Variants in DAPK3 observed in about 807,000 individuals in gnomAD.
The protein encoded by DAPK3 is death associated protein kinase 3.
DAPK3 carries 24 observed loss-of-function variants against 30.6 expected under a neutral mutation model. That is an observed-to-expected ratio of 0.78 (90% CI 0.57 to 1.10). The LOEUF (loss-of-function observed/expected upper bound fraction) is 1.10. DAPK3 is among the 50% of genes least tolerant of loss of function. The pLI, the probability that DAPK3 is intolerant of heterozygous loss-of-function variation, is 0.00. For missense variants in DAPK3, 629 were observed against 657.3 expected (o/e 0.96, Z 0.47); for synonymous variants, 341 against 284.0 (o/e 1.20, Z -2.02).
At chr19:3,970,048 G>A (rs1473238202) in intron 1 of DAPK3, 7 of 388,204 alleles carry the variant, frequency 1.8e-5, no homozygotes, top group East Asian at 1.3e-4. Context: ...GCCCCACTGG[G>A]CCACCTTCAC....
At position 3,958,819 on chromosome 19, in the gene DAPK3, G is replaced by A; in HGVS notation, c.*282C>T. Reference sequence around the variant, plus strand: ...CGCCTCGGTGGGTCCCAACCCTCACGGTGCCACAGGCCACGCTGCCTGGAG... The same window carrying A: ...CGCCTCGGTGGGTCCCAACCCTCACAGTGCCACAGGCCACGCTGCCTGGAG... On this transcript the variant is annotated 3_prime_UTR_variant, in exon 9 of 9. Coordinates refer to ENST00000545797, the MANE Select transcript of DAPK3 (RefSeq NM_001348.3). The A allele has an allele frequency of 1.8e-6, 1 of 568,688 alleles. No homozygotes were observed. 35.2% of individuals were successfully genotyped at this position (568,688 alleles called of 1,614,324 possible). A position where few individuals can be genotyped will look rare whatever the true frequency, so the allele number is the denominator to read the frequency against.
chr19:3,967,344 C>T (rs2039588794), intron 2 of DAPK3, among the ~76,000 whole-genome samples: 2 of 152,040 alleles, frequency 1.3e-5, no homozygotes, highest in African/African-American at 2.4e-5. Flanking sequence ...CCCAGCTACT[C>T]GGGAGGCTGA....
chr19:3,964,114 C>T (rs1003665917), intron 4 of DAPK3, 130 bp downstream of exon 4: 7 of 926,174 alleles, frequency 7.6e-6, no homozygotes, highest in Non-Finnish European at 1.2e-5. Context: ...CCCGCAAAGC[C>T]GGGCCCAAGA....
At chr19:3,961,771 G>A (rs1192271944) in intron 6 of DAPK3, 10 of 321,534 alleles carry the variant, frequency 3.1e-5, no homozygotes, top group East Asian at 7.6e-5. Context: ...TGGAGGCGGC[G>A]AAGGAGCTGA....
chr19:3,964,542 C>G lies in DAPK3; in HGVS notation c.423+89G>C, dbSNP rs553331630. 454 of 1,440,512 alleles carry G rather than the reference C, an allele frequency of 3.2e-4. 6 individuals carry two copies. The highest frequency in any genetic ancestry group is 2.7e-4 in the Admixed American group (14 of 51,908). 89.2% of individuals were successfully genotyped at this position (1,440,512 alleles called of 1,614,324 possible). ...CCACGCTCCCCACACCTCACCCCCA[C>G]GCGCAGGAGGTGCCTTCCAGGCTCT... On this transcript the variant is annotated intron_variant, in intron 3 of 8. Transcript: ENST00000545797.
intron 2 of DAPK3, among the ~76,000 whole-genome samples, chr19:3,965,272 C>G (rs2039565626): frequency 6.6e-6 from 1 of 152,212 alleles, no homozygotes. Flanking sequence ...CACCATGGCA[C>G]CGGCGTATTT....
chr19:3,961,230 G>T, intron 6 of DAPK3, 69 bp from the exon 7 acceptor site: 1 of 1,315,866 alleles, frequency 7.6e-7, no homozygotes, highest in South Asian at 1.2e-5. Flanking sequence ...CTCTCCGGCT[G>T]CCCACGACAG....
At chr19:3,962,094 T>C (rs1020137825) in intron 6 of DAPK3, among the ~76,000 whole-genome samples, 4 of 152,308 alleles carry the variant, frequency 2.6e-5, no homozygotes, top group African/African-American at 9.6e-5. Context: ...CCTGACCTCG[T>C]GATCTGCCCT....
chr19:3,958,579 C>A lies in DAPK3; in HGVS notation c.*522G>T, dbSNP rs1334336423. 2.2e-6 allele frequency: 1 copy of A among 452,250 alleles called. No individual in the cohort carries two copies. The highest frequency in any genetic ancestry group is 2.4e-5 in the Admixed American group (1 of 42,040). The allele number at this position is 452,250 out of a possible 1,614,324, so 28.0% of individuals were successfully genotyped here. ...GGCACCCCACACCCGGGGGACCGGC[C>A]TCGGCGAGAAGGGCACACAGTGGAA... On this transcript the variant is annotated 3_prime_UTR_variant, in exon 9 of 9. Coordinates refer to ENST00000545797, the MANE Select transcript of DAPK3 (RefSeq NM_001348.3).
chr19:3,961,582 G>A (rs1460398388), intron 6 of DAPK3: 1 of 469,660 alleles, frequency 2.1e-6, no homozygotes, highest in African/African-American at 2.0e-5. Context: ...GACGCTGGGA[G>A]GGTGACACAG....
At position 3,959,335 on chromosome 19, in the gene DAPK3, G is replaced by T. The variant is rs771329507; in HGVS notation, c.1131C>A (p.Asp377Glu). 7 of 1,591,250 alleles carry T rather than the reference G, an allele frequency of 4.4e-6. No individual in the cohort carries two copies. Among genetic ancestry groups the T allele is most frequent in the Non-Finnish European group, 5.1e-6 (6 of 1,176,230 alleles). The stretch of plus-strand genomic sequence containing the variant: ...GCAGCTCCTGCCGTAGCCTCCGCAG[G>T]TCCTGGCCCAGGCTGTCGCTCTCCT... ...YREESDSLGQDLRRLRQELLK... is the reference protein window; with the variant it reads ...YREESDSLGQELRRLRQELLK... Residue 377 changes from aspartate to glutamate, a missense_variant, in exon 9 of 9, where the codon GAC (aspartate) becomes GAA (glutamate). Asp to Glu is a conservative substitution (Grantham distance 45, BLOSUM62 2). This residue lies in a region of DAPK3 where 323 missense variants were observed against 278.8 expected (regional missense o/e 1.16). Transcript: ENST00000545797.
intron 6 of DAPK3, among the ~76,000 whole-genome samples, chr19:3,962,691 C>T (rs2039530644): frequency 6.7e-6 from 1 of 148,564 alleles, no homozygotes; most frequent in Non-Finnish European, 1.5e-5. Flanking sequence ...GCATGGGAAT[C>T]ACTTGAACCC....
Position 3,959,036 on chromosome 19 carries a change from A to T in DAPK3, c.*65T>A. 1 of 1,086,232 alleles carries T rather than the reference A, an allele frequency of 9.2e-7. No individual in the cohort carries two copies. Among genetic ancestry groups the T allele is most frequent in the Non-Finnish European group, 1.3e-6 (1 of 784,768 alleles). The allele number at this position is 1,086,232 out of a possible 1,614,324, so 67.3% of individuals were successfully genotyped here. ...CCGGGCGATGGGAGGCGCAGCGTCC[A>T]CAGGAAGCGCCCCCACCGCAGGCCG... On this transcript the variant is annotated 3_prime_UTR_variant, in exon 9 of 9. Transcript: ENST00000545797.
intron 2 of DAPK3, among the ~76,000 whole-genome samples, chr19:3,968,521 C>T (rs2039602075): frequency 6.6e-6 from 1 of 151,918 alleles, no homozygotes; most frequent in Non-Finnish European, 1.5e-5. Context: ...CTAGCAACTA[C>T]CCCAGTCTTA....
chr19:3,960,979 C>T, intron 7 of DAPK3, 30 bp downstream of exon 7: 3 of 1,610,316 alleles, frequency 1.9e-6, no homozygotes, highest in Non-Finnish European at 2.5e-6. Context: ...TCCCATGTCC[C>T]ACCCCGTGCC....
rs2039505377 is a variant in DAPK3, at chr19:3,961,030, CGGCG to C, written c.757_760del (p.Arg253GlyfsTer11). ...GTACTTGGGATCTTTGACGAGCAGC[CGGCG>C]AATGAAGTCCTTGGCCAGCTCGCTG... On this transcript the variant is annotated frameshift_variant, in exon 7 of 9. Coordinates refer to ENST00000545797, the MANE Select transcript of DAPK3 (RefSeq NM_001348.3). LOFTEE classifies it high-confidence loss of function. 6.2e-7 allele frequency: 1 copy of C among 1,613,690 alleles called. No individual in the cohort carries two copies. The highest frequency in any genetic ancestry group is 8.5e-7 in the Non-Finnish European group (1 of 1,179,922).
intron 5 of DAPK3, 71 bp from the exon 6 acceptor site, chr19:3,963,740 G>A: frequency 7.4e-7 from 1 of 1,355,446 alleles, no homozygotes; most frequent in Non-Finnish European, 1.0e-6. Context: ...GTGGCGTCCA[G>A]CGCCCCTGTT....
chr19:3,967,881 T>A (rs780204996), intron 2 of DAPK3, among the ~76,000 whole-genome samples: 1 of 152,170 alleles, frequency 6.6e-6, no homozygotes, highest in Non-Finnish European at 1.5e-5. Context: ...CCCAGAGCTG[T>A]CAAACCCGTG....
At chr19:3,964,011 G>A in intron 4 of DAPK3, 92 bp from the exon 5 acceptor site, 1 of 921,436 alleles carries the variant, frequency 1.1e-6, no homozygotes, top group Non-Finnish European at 1.7e-6. Flanking sequence ...GTTCTCACAT[G>A]TCGCAGCCCT....
Sources: allele counts gnomAD v4.1 joint callset (sites outside exome capture counted in the v4.1 genomes callset), GRCh38; gene constraint gnomAD v4.1.1; regional missense constraint gnomAD v4.1.1; transcripts MANE v1.5; gene names NCBI Gene and HGNC (gene_info 2026-07-23, HGNC 2026-07-21).